Variants in CTXN2 observed in about 807,000 individuals in gnomAD.
CTXN2 encodes cortexin-2.
CTXN2 carries 3 observed loss-of-function variants against 5.7 expected under a neutral mutation model. That is an observed-to-expected ratio of 0.53 (90% CI 0.24 to 1.36). The LOEUF (loss-of-function observed/expected upper bound fraction) is 1.36, where lower values mean the gene tolerates loss of function less well. Ranked by LOEUF, CTXN2 falls within the 40% of genes most tolerant of loss-of-function variation. The pLI is 0.17. For missense variants in CTXN2, 87 were observed against 93.0 expected, an observed-to-expected ratio of 0.94 and a Z score of 0.26; for synonymous variants, 38 against 36.4, an observed-to-expected ratio of 1.04 and a Z score of -0.16.
chr15:48,202,350 A>T lies in CTXN2; in HGVS notation c.*804A>T, dbSNP rs1309495953. ...AAGTCATCTAATCTCTGTGAGCTTC[A>T]GTGAAGAGTAGTGTTAACATCCTTT... On this transcript the variant is annotated 3_prime_UTR_variant, in exon 2 of 2. Transcript: ENST00000417307. 6.0e-6 allele frequency: 1 copy of T among 167,108 alleles called. No individual in the cohort carries two copies. The highest frequency in any genetic ancestry group is 1.5e-5 in the Non-Finnish European group (1 of 68,138). 10.4% of individuals were successfully genotyped at this position (167,108 alleles called of 1,614,324 possible).
At chr15:48,182,130 T>G (rs2040705874) in intron 1 of CTXN2, among the ~76,000 whole-genome samples, 1 of 152,170 alleles carries the variant, frequency 6.6e-6, no homozygotes, top group Non-Finnish European at 1.5e-5. Context: ...TCTCCCTCCG[T>G]ATCTCTGTAT....
upstream of CTXN2, among the ~76,000 whole-genome samples, chr15:48,190,642 T>C (rs1394681131): frequency 6.6e-6 from 1 of 152,106 alleles, no homozygotes; most frequent in African/African-American, 2.4e-5. Flanking sequence ...ATTCTGTATC[T>C]ACATTTCCCC....
upstream of CTXN2, among the ~76,000 whole-genome samples, chr15:48,189,730 A>C (rs1463757616): frequency 6.6e-6 from 1 of 152,242 alleles, no homozygotes; most frequent in Non-Finnish European, 1.5e-5. Context: ...AGATGGAATA[A>C]AATGATCTCC....
In CTXN2 at chr15:48,180,048, TA is replaced by T. The variant is rs986688997; in HGVS notation, c.-455+1653del. On this transcript the variant is annotated intron_variant, in intron 1 of 2. Coordinates refer to the CTXN2 transcript ENST00000644354. The stretch of plus-strand genomic sequence containing the variant: ...CAGCCCTGTTGGGAGAGGGCTAATG[TA>T]AAAAGTACTATTTAAGTGCTATAAT... Among the ~76,000 whole-genome samples, 5 of 152,202 alleles carry T rather than the reference TA, an allele frequency of 3.3e-5. No individual in the cohort carries two copies. The South Asian group carries it at 6.2e-4, about 19-fold the overall frequency.
In CTXN2 at chr15:48,201,639, T is replaced by C. The variant is rs2040930684; in HGVS notation, c.*93T>C. ...TTGAGGGTGTGGGAGAGAGGCTCAT[T>C]TTGTTCAGTGAATTCAATAAACATC... On this transcript the variant is annotated 3_prime_UTR_variant, in exon 2 of 2. Transcript: ENST00000417307. 9.7e-6 allele frequency: 12 copies of C among 1,240,424 alleles called. No individual in the cohort carries two copies. Among genetic ancestry groups the C allele is most frequent in the Non-Finnish European group, 1.2e-5 (11 of 892,320 alleles). The allele number at this position is 1,240,424 out of a possible 1,614,324, so 76.8% of individuals were successfully genotyped here.
chr15:48,184,455 G>A (rs2040729043), intron 1 of CTXN2, among the ~76,000 whole-genome samples: 1 of 151,958 alleles, frequency 6.6e-6, no homozygotes, highest in South Asian at 2.1e-4. Context: ...GCCACAGACT[G>A]GAATAAAATC....
chr15:48,188,452 G>C (rs1031960909), upstream of CTXN2, among the ~76,000 whole-genome samples: 10 of 152,104 alleles, frequency 6.6e-5, no homozygotes, highest in African/African-American at 2.4e-4. Context: ...TGCTTTTGGG[G>C]ATATATCTAT....
chr15:48,178,529 G>T (rs1014150088), intron 1 of CTXN2: 17 of 347,714 alleles, frequency 4.9e-5, no homozygotes, highest in Non-Finnish European at 6.2e-5. Context: ...AAAGCCCCCG[G>T]TGGTGGTGCC....
rs2040941625 is a variant in CTXN2, at chr15:48,203,156, G to A, written c.*1610G>A. On this transcript the variant is annotated 3_prime_UTR_variant, in exon 2 of 2. Transcript: ENST00000417307. ...ATGGTTATGTTAGGGATTGAACTTG[G>A]GCAGTTTGATTTCTGCTGTATCCCT... The A allele has an allele frequency of 6.0e-6, 1 of 166,962 alleles. No individual in the cohort carries two copies. Among genetic ancestry groups the A allele is most frequent in the South Asian group, 2.1e-4 (1 of 4,824 alleles). 10.3% of individuals were successfully genotyped at this position (166,962 alleles called of 1,614,324 possible). A position where few individuals can be genotyped will look rare whatever the true frequency, so the allele number is the denominator to read the frequency against.
chr15:48,184,029 A>T (rs1884758761), intron 1 of CTXN2, among the ~76,000 whole-genome samples: 1 of 152,228 alleles, frequency 6.6e-6, no homozygotes, highest in African/African-American at 2.4e-5. Context: ...ACTACTGTAG[A>T]CTAAAAAATT....
intron 1 of CTXN2, among the ~76,000 whole-genome samples, chr15:48,183,556 T>C (rs1028051319): frequency 3.9e-5 from 6 of 152,240 alleles, no homozygotes; most frequent in African/African-American, 1.4e-4. Context: ...AAGTTACTCT[T>C]ACATGGCCTA....
intron 1 of CTXN2, among the ~76,000 whole-genome samples, chr15:48,195,575 T>C (rs1201230857): frequency 6.6e-6 from 1 of 152,168 alleles, no homozygotes; most frequent in African/African-American, 2.4e-5. Flanking sequence ...ATCCAGTATT[T>C]TTCTGCCTTC....
intron 1 of CTXN2, among the ~76,000 whole-genome samples, chr15:48,179,430 CAT>C (rs1047225377): frequency 7.9e-5 from 12 of 151,630 alleles, no homozygotes; most frequent in South Asian, 4.2e-4. Flanking sequence ...CACACACACA[CAT>C]ACACAAACAC....
chr15:48,180,183 A>G (rs938842399), intron 1 of CTXN2, among the ~76,000 whole-genome samples: 1 of 152,220 alleles, frequency 6.6e-6, no homozygotes, highest in African/African-American at 2.4e-5. Context: ...TATCTTGATT[A>G]CTGAGTTTTA....
At chr15:48,191,512 C>G (rs923160919), upstream of CTXN2, 3 of 308,190 alleles carry the variant, frequency 9.7e-6, no homozygotes, top group South Asian at 7.8e-5. Context: ...CTCCTCATCT[C>G]CCACCTCCTT....
chr15:48,178,902 T>A (rs2040655429), intron 1 of CTXN2, among the ~76,000 whole-genome samples: 1 of 152,008 alleles, frequency 6.6e-6, no homozygotes, highest in Non-Finnish European at 1.5e-5. Flanking sequence ...ATCAGCTTAG[T>A]AAGAGAAGAC....
chr15:48,187,120 C>T (rs1597380706), upstream of CTXN2, among the ~76,000 whole-genome samples: 2 of 151,696 alleles, frequency 1.3e-5, no homozygotes, highest in Admixed American at 6.6e-5. Context: ...AGGAAGAGGG[C>T]ATATCTTTCT....
At chr15:48,191,987 G>A in intron 1 of CTXN2, 134 bp downstream of exon 1, 1 of 379,462 alleles carries the variant, frequency 2.6e-6, no homozygotes, top group South Asian at 1.9e-5. Flanking sequence ...GCGGGGGGTG[G>A]GGCGGTGGGT....
intron 1 of CTXN2, among the ~76,000 whole-genome samples, chr15:48,196,142 C>T (rs2040877271): frequency 6.6e-6 from 1 of 152,114 alleles, no homozygotes; most frequent in African/African-American, 2.4e-5. Flanking sequence ...CACCTCATAT[C>T]TTTGGCTCAG....
Sources: allele counts gnomAD v4.1 joint callset (sites outside exome capture counted in the v4.1 genomes callset), GRCh38; gene constraint gnomAD v4.1.1; transcripts MANE v1.5; gene names NCBI Gene and HGNC (gene_info 2026-07-23, HGNC 2026-07-21).